The following SPMAP2L variants were observed in gnomAD, a reference collection of about 807,000 sequenced individuals.
SPMAP2L encodes the protein sperm microtubule associated protein 2-like.
chr4:56,543,711 A>C, the SPMAP2L span, among the ~76,000 whole-genome samples: 1 of 152,006 alleles, frequency 6.6e-6, no homozygotes, highest in East Asian at 1.9e-4. Flanking sequence ...TAAATAAATA[A>C]AATAATGTTT....
chr4:56,544,992 C>T, the SPMAP2L span, among the ~76,000 whole-genome samples: 2 of 152,244 alleles, frequency 1.3e-5, no homozygotes, highest in East Asian at 3.8e-4. Flanking sequence ...CCACTGAGGA[C>T]AATGCTGTCC....
the SPMAP2L span, among the ~76,000 whole-genome samples, chr4:56,590,406 A>G: frequency 2.0e-5 from 3 of 152,254 alleles, no homozygotes; most frequent in Non-Finnish European, 2.9e-5. Flanking sequence ...TCAATGTGCA[A>G]GATAAGCAAA....
At chr4:56,564,167 T>C in the SPMAP2L span, among the ~76,000 whole-genome samples, 1 of 149,238 alleles carries the variant, frequency 6.7e-6, no homozygotes, top group Non-Finnish European at 1.5e-5. Flanking sequence ...ATGGTCTCAC[T>C]CTGTCACCCA....
chr4:56,555,173 A>G, the SPMAP2L span, among the ~76,000 whole-genome samples: 3 of 152,142 alleles, frequency 2.0e-5, no homozygotes, highest in Admixed American at 2.0e-4. Flanking sequence ...TCCTGACCTC[A>G]GGTGATCTGC....
chr4:56,554,796 A>G, the SPMAP2L span, among the ~76,000 whole-genome samples: 2 of 151,716 alleles, frequency 1.3e-5, no homozygotes, highest in South Asian at 4.1e-4. Context: ...TGAAAGTTTT[A>G]TATTTTTGTG....
the SPMAP2L span, among the ~76,000 whole-genome samples, chr4:56,532,419 C>G: frequency 3.3e-5 from 5 of 149,884 alleles, no homozygotes; most frequent in African/African-American, 1.2e-4. Flanking sequence ...TTAGATACCA[C>G]TCTCATTTCC....
chr4:56,587,243 C>T, the SPMAP2L span, among the ~76,000 whole-genome samples: 1 of 151,414 alleles, frequency 6.6e-6, no homozygotes. Flanking sequence ...AACAATTGTA[C>T]TTTATCCATT....
chr4:56,592,910 G>T, the SPMAP2L span: 1 of 1,608,230 alleles, frequency 6.2e-7, no homozygotes, highest in Non-Finnish European at 8.5e-7. Context: ...CTTGGGGCTG[G>T]CGAGCATTGA....
At chr4:56,596,466 T>G in the SPMAP2L span, 2 of 1,476,138 alleles carry the variant, frequency 1.4e-6, no homozygotes, top group Non-Finnish European at 1.8e-6. Flanking sequence ...TATTACTTGA[T>G]GCTTATAAGT....
chr4:56,533,666 G>T, the SPMAP2L span, among the ~76,000 whole-genome samples: 1 of 151,820 alleles, frequency 6.6e-6, no homozygotes, highest in Non-Finnish European at 1.5e-5. Context: ...ATGTGCAATG[G>T]ACCGGATGCG....
the SPMAP2L span, chr4:56,530,842 G>A: frequency 2.0e-6 from 3 of 1,535,204 alleles, no homozygotes; most frequent in African/African-American, 2.7e-5. Context: ...CGAGAAACAC[G>A]AGAATCCCGA....
At chr4:56,540,280 C>A in the SPMAP2L span, among the ~76,000 whole-genome samples, 8 of 152,292 alleles carry the variant, frequency 5.3e-5, no homozygotes, top group Admixed American at 3.3e-4. Flanking sequence ...TGGTGGCTCA[C>A]GCCTGTAATC....
the SPMAP2L span, among the ~76,000 whole-genome samples, chr4:56,565,330 T>C: frequency 2.6e-4 from 39 of 152,362 alleles, no homozygotes; most frequent in African/African-American, 8.4e-4. Flanking sequence ...GTTTTTACTT[T>C]ATGTACTCTA....
At chr4:56,558,620 C>A in the SPMAP2L span, among the ~76,000 whole-genome samples, 1 of 151,742 alleles carries the variant, frequency 6.6e-6, no homozygotes, top group Admixed American at 6.6e-5. Context: ...GATGCAAACC[C>A]AGTATATATA....
At chr4:56,600,880 T>C in the SPMAP2L span, 5 of 1,483,892 alleles carry the variant, frequency 3.4e-6, no homozygotes, top group Middle Eastern at 1.7e-4. Context: ...GCTATAGACA[T>C]AGAGAAATGT....
At chr4:56,575,555 C>T in the SPMAP2L span, 3 of 1,535,298 alleles carry the variant, frequency 2.0e-6, no homozygotes, top group African/African-American at 1.4e-5. Context: ...TGGGAGATCA[C>T]TCCTCCTGCA....
the SPMAP2L span, among the ~76,000 whole-genome samples, chr4:56,560,406 C>T: frequency 2.0e-5 from 3 of 152,168 alleles, no homozygotes; most frequent in Non-Finnish European, 4.4e-5. Flanking sequence ...TGTCCTGTCC[C>T]TGGCTTCTTT....
chr4:56,531,318 A>G, the SPMAP2L span: 1 of 1,181,158 alleles, frequency 8.5e-7, no homozygotes, highest in South Asian at 1.7e-5. Context: ...AACTCGTGTC[A>G]TTTACCTGTT....
At chr4:56,618,836 G>C in the SPMAP2L span, among the ~76,000 whole-genome samples, 1 of 152,112 alleles carries the variant, frequency 6.6e-6, no homozygotes, top group Admixed American at 6.5e-5. Context: ...TGCCAGCCGG[G>C]GTGTTTGAAA....
Sources: gnomAD v4.1 joint callset for allele counts (sites outside exome capture counted in the v4.1 genomes callset) on GRCh38, gnomAD v4.1.1 for gene constraint, MANE v1.5 for transcripts, NCBI Gene and HGNC (gene_info 2026-07-23, HGNC 2026-07-21) for gene names.